The following AUTS2 variants were observed in gnomAD, a reference collection of about 807,000 sequenced individuals.
The protein encoded by AUTS2 is activator of transcription and developmental regulator AUTS2.
AUTS2 carries 17 observed loss-of-function variants against 112.4 expected under a neutral mutation model. The ratio of observed to expected loss-of-function variants is 0.15; its 90% CI spans 0.10 to 0.23. AUTS2 has a LOEUF of 0.23. AUTS2 is among the 10% of genes least tolerant of loss of function. AUTS2 has a pLI of 1.00. For synonymous variants in AUTS2, 751 were observed against 702.7 expected, an observed-to-expected ratio of 1.07 and a Z score of -1.09; for missense variants, 1,510 against 1,701.6, an observed-to-expected ratio of 0.89 and a Z score of 1.98.
chr7:70,290,315 AG>A, intron 4 of AUTS2: 15 of 1,437,458 alleles, frequency 1.0e-5, no homozygotes, highest in Non-Finnish European at 1.4e-5. Flanking sequence ...ATTATATCAG[AG>A]GGCATTTAAC....
intron 5 of AUTS2, among the ~76,000 whole-genome samples, chr7:70,555,971 A>AT (rs1801232051): frequency 2.0e-5 from 3 of 151,918 alleles, no homozygotes; most frequent in South Asian, 4.2e-4. Context: ...TGCCCGGCTA[A>AT]TTTTTTTGTA....
chr7:70,622,932 A>C (rs929328518), intron 5 of AUTS2, among the ~76,000 whole-genome samples: 1 of 152,208 alleles, frequency 6.6e-6, no homozygotes, highest in African/African-American at 2.4e-5. Flanking sequence ...TCTTAATCAC[A>C]GGTGCTGAAA....
chr7:70,420,091 G>A (rs1185860416), intron 4 of AUTS2, among the ~76,000 whole-genome samples: 2 of 152,172 alleles, frequency 1.3e-5, no homozygotes, highest in African/African-American at 2.4e-5. Flanking sequence ...ACACCAGAGC[G>A]AGGCTTTCTA....
intron 5 of AUTS2, among the ~76,000 whole-genome samples, chr7:70,605,507 G>C (rs1292970537): frequency 1.2e-5 from 1 of 86,292 alleles, no homozygotes; most frequent in Non-Finnish European, 2.5e-5. Flanking sequence ...ATTTGTTTTT[G>C]TCTTTCTTTT....
chr7:69,702,164 G>A (rs1429817901), intron 1 of AUTS2, among the ~76,000 whole-genome samples: 3 of 152,188 alleles, frequency 2.0e-5, no homozygotes, highest in Admixed American at 6.5e-5. Context: ...CTCATGTGTG[G>A]TCTTCTGGGG....
At chr7:70,533,279 C>G (rs2129499544) in intron 5 of AUTS2, among the ~76,000 whole-genome samples, 1 of 152,248 alleles carries the variant, frequency 6.6e-6, no homozygotes, top group East Asian at 1.9e-4. Context: ...CCATGCCCAG[C>G]TACTTTTTAA....
chr7:70,449,779 A>C (rs575643948), intron 5 of AUTS2, among the ~76,000 whole-genome samples: 18 of 152,338 alleles, frequency 1.2e-4, no homozygotes, highest in Non-Finnish European at 2.4e-4. Flanking sequence ...TTAAGCTATT[A>C]AAAGCCATAG....
chr7:70,760,818 A>G (rs1789521322), intron 6 of AUTS2, among the ~76,000 whole-genome samples: 1 of 152,240 alleles, frequency 6.6e-6, no homozygotes, highest in African/African-American at 2.4e-5. Flanking sequence ...ATAAGACAGC[A>G]CTGGACAGAA....
chr7:70,248,253 C>T (rs771225591), intron 4 of AUTS2, among the ~76,000 whole-genome samples: 2 of 151,730 alleles, frequency 1.3e-5, no homozygotes, highest in Non-Finnish European at 2.9e-5. Context: ...GGACTACAGG[C>T]ACCCACTACC....
chr7:69,794,019 G>A (rs1789733654), intron 1 of AUTS2, among the ~76,000 whole-genome samples: 1 of 152,198 alleles, frequency 6.6e-6, no homozygotes, highest in Non-Finnish European at 1.5e-5. Flanking sequence ...TGAGCGTGGA[G>A]GGAAAATTAT....
chr7:70,790,909 G>A lies in AUTS2; in HGVS notation c.3693G>A (p.Pro1231=), dbSNP rs374805902. 3.8e-6 allele frequency: 6 copies of A among 1,585,976 alleles called. No homozygotes were observed. The highest frequency in any genetic ancestry group is 3.5e-5 in the South Asian group (3 of 85,512). Residue 1231 remains proline, a synonymous_variant, in exon 19 of 19, where the codon CCG becomes CCA. Transcript: ENST00000342771. The surrounding 1 kb of genome is among the most constrained non-coding windows in gnomAD (Gnocchi z 7.6). The part of the protein sequence containing the change: ...PPLISTLGGR[P]VSPRRTTPLS... ...TCATCTCCACGCTGGGGGGCCGCCC[G>A]GTCTCTCCCAGAAGGACGACTCCTC...
chr7:69,870,435 CGTAT>C (rs1793430139), intron 1 of AUTS2, among the ~76,000 whole-genome samples: 1 of 14,920 alleles, frequency 6.7e-5, no homozygotes, highest in African/African-American at 2.6e-4. Context: ...CATATCTGTG[CGTAT>C]GTGTGTGTAA....
chr7:70,633,064 A>T (rs1805348730), intron 5 of AUTS2, among the ~76,000 whole-genome samples: 2 of 152,302 alleles, frequency 1.3e-5, no homozygotes, highest in East Asian at 3.9e-4. Context: ...AGCAGCATCC[A>T]TGCCCCATGG....
chr7:70,627,580 CT>C (rs1805017380), intron 5 of AUTS2, among the ~76,000 whole-genome samples: 1 of 152,232 alleles, frequency 6.6e-6, no homozygotes, highest in African/African-American at 2.4e-5. Context: ...TCTGCCAACA[CT>C]CAATCACAAT....
At chr7:70,730,655 T>G (rs1308355406) in intron 6 of AUTS2, among the ~76,000 whole-genome samples, 1 of 150,740 alleles carries the variant, frequency 6.6e-6, no homozygotes, top group African/African-American at 2.4e-5. Flanking sequence ...GATTCATCAG[T>G]TGACGGACAT....
At chr7:70,629,713 C>T (rs1179746673) in intron 5 of AUTS2, among the ~76,000 whole-genome samples, 1 of 152,054 alleles carries the variant, frequency 6.6e-6, no homozygotes, top group Admixed American at 6.5e-5. Flanking sequence ...TCATCAGCCT[C>T]GCTGTCTCAC....
At chr7:69,951,335 T>A (rs1318079887) in intron 2 of AUTS2, among the ~76,000 whole-genome samples, 1 of 152,050 alleles carries the variant, frequency 6.6e-6, no homozygotes, top group South Asian at 2.1e-4. Flanking sequence ...AAGTTTTTAG[T>A]CTTCAGAGAA....
In AUTS2 at chr7:70,224,302, CA is replaced by C. The variant is rs1224957650; in HGVS notation, c.660+89734del. On this transcript the variant is annotated intron_variant, in intron 4 of 18. Transcript: ENST00000342771. ...TGCTATCCAGAGTGAAGCCCTGTCTCAAAGTATAATACAATACAATACAGTA... is the reference window on the plus strand; with the variant it reads ...TGCTATCCAGAGTGAAGCCCTGTCTCAAGTATAATACAATACAATACAGTA... Among the ~76,000 whole-genome samples, 4 of 151,366 alleles carry C rather than the reference CA, an allele frequency of 2.6e-5. No homozygotes were observed. In the East Asian group the frequency reaches 7.8e-4, roughly 29 times the overall value.
intron 18 of AUTS2, among the ~76,000 whole-genome samples, chr7:70,788,203 T>C (rs1791644014): frequency 6.6e-6 from 1 of 152,242 alleles, no homozygotes; most frequent in South Asian, 2.1e-4. Context: ...ACAAATATGC[T>C]TGACAGAAAA....
Sources: allele counts gnomAD v4.1 joint callset (sites outside exome capture counted in the v4.1 genomes callset), GRCh38; gene constraint gnomAD v4.1.1; non-coding constraint Gnocchi (gnomAD v3.1); transcripts MANE v1.5; gene names NCBI Gene and HGNC (gene_info 2026-07-23, HGNC 2026-07-21).